The following CTNNA3 variants were observed in gnomAD, a reference collection of about 807,000 sequenced individuals.
CTNNA3 encodes the protein catenin alpha-3.
CTNNA3 carries 76 observed loss-of-function variants against 95.7 expected under a neutral mutation model. The observed-to-expected ratio is 0.79, with a 90% CI of 0.66 to 0.96. CTNNA3 has a LOEUF of 0.96. Ranked by LOEUF, CTNNA3 falls within the 40% of genes least tolerant of loss-of-function variation. The pLI is 0.00. For missense variants in CTNNA3, 1,191 were observed against 1,089.8 expected (o/e 1.09, Z -1.31); for synonymous variants, 431 against 374.4 (o/e 1.15, Z -1.74).
chr10:67,027,956 T>C (rs1033582562), intron 7 of CTNNA3, among the ~76,000 whole-genome samples: 1 of 152,210 alleles, frequency 6.6e-6, no homozygotes, highest in Non-Finnish European at 1.5e-5. Context: ...AATCTCCATC[T>C]GTTTTCTCAC....
At chr10:66,692,111 G>C (rs1232293254) in intron 9 of CTNNA3, among the ~76,000 whole-genome samples, 1 of 152,202 alleles carries the variant, frequency 6.6e-6, no homozygotes, top group Non-Finnish European at 1.5e-5. Context: ...AAGCTGGACA[G>C]AGAATGACTT....
At chr10:67,668,992 C>T (rs1005012014) in intron 1 of CTNNA3, among the ~76,000 whole-genome samples, 17 of 152,078 alleles carry the variant, frequency 1.1e-4, no homozygotes, top group African/African-American at 3.4e-4. Context: ...GCACTCGCCA[C>T]CATGCCCGGC....
At chr10:66,135,313 C>T (rs1480445427) in intron 13 of CTNNA3, among the ~76,000 whole-genome samples, 1 of 151,784 alleles carries the variant, frequency 6.6e-6, no homozygotes, top group Non-Finnish European at 1.5e-5. Context: ...TTTTGTTGGG[C>T]GAGAAGGCAA....
intron 5 of CTNNA3, among the ~76,000 whole-genome samples, chr10:67,323,476 C>A (rs1841409644): frequency 6.6e-6 from 1 of 152,064 alleles, no homozygotes; most frequent in Non-Finnish European, 1.5e-5. Flanking sequence ...ATAGGGAATC[C>A]TTTCTCTATT....
intron 11 of CTNNA3, among the ~76,000 whole-genome samples, chr10:66,439,318 A>G: frequency 6.6e-6 from 1 of 152,312 alleles, no homozygotes; most frequent in Admixed American, 6.5e-5. Flanking sequence ...TCTTAAAAAA[A>G]GGATACTATT....
At chr10:67,540,943 C>T (rs1047586316) in intron 3 of CTNNA3, among the ~76,000 whole-genome samples, 4 of 151,676 alleles carry the variant, frequency 2.6e-5, no homozygotes, top group Admixed American at 6.6e-5. Context: ...CATTACTCTT[C>T]GTTTTCTTCT....
chr10:67,136,574 C>G (rs754363969), intron 7 of CTNNA3, among the ~76,000 whole-genome samples: 8 of 152,064 alleles, frequency 5.3e-5, no homozygotes, highest in African/African-American at 1.2e-4. Context: ...GAGAGAGAGA[C>G]ACAGAGAGAG....
At chr10:66,999,364 A>G (rs1179117532) in intron 7 of CTNNA3, among the ~76,000 whole-genome samples, 1 of 152,130 alleles carries the variant, frequency 6.6e-6, no homozygotes, top group African/African-American at 2.4e-5. Flanking sequence ...TCAAGAAAAA[A>G]CTTGGGATTC....
At chr10:67,168,664 C>G (rs560172019) in intron 7 of CTNNA3, among the ~76,000 whole-genome samples, 1 of 152,306 alleles carries the variant, frequency 6.6e-6, no homozygotes, top group South Asian at 2.1e-4. Context: ...GACAAACCTA[C>G]AGCCAACATT....
intron 9 of CTNNA3, among the ~76,000 whole-genome samples, chr10:66,667,370 C>T (rs968031078): frequency 1.2e-4 from 19 of 152,046 alleles, no homozygotes; most frequent in African/African-American, 4.6e-4. Flanking sequence ...CTTGATTGCT[C>T]ATGCCAGTAA....
chr10:67,207,092 TTGCACTCCAGCCTGGGTGACAAGAG>T (rs1434590422), intron 6 of CTNNA3, among the ~76,000 whole-genome samples: 2 of 152,032 alleles, frequency 1.3e-5, no homozygotes, highest in Admixed American at 1.3e-4. Flanking sequence ...GATCGCACCA[TTGCACTCCAGCCTGGGTGACAAGAG>T]TGAGAGTTCA....
At chr10:66,934,093 T>C (rs1479575053) in intron 7 of CTNNA3, among the ~76,000 whole-genome samples, 1 of 152,084 alleles carries the variant, frequency 6.6e-6, no homozygotes, top group Non-Finnish European at 1.5e-5. Context: ...ATCTGGGACA[T>C]GATATAAGAC....
At chr10:66,532,286 C>T (rs985361846) in intron 10 of CTNNA3, among the ~76,000 whole-genome samples, 1 of 151,952 alleles carries the variant, frequency 6.6e-6, no homozygotes, top group Non-Finnish European at 1.5e-5. Flanking sequence ...CATGGTGAAA[C>T]CCCGTCTCTA....
At chr10:67,456,610 T>A (rs1460245382) in intron 5 of CTNNA3, among the ~76,000 whole-genome samples, 1 of 152,194 alleles carries the variant, frequency 6.6e-6, no homozygotes, top group African/African-American at 2.4e-5. Context: ...CAAATGGTAA[T>A]ATTCTTTCTC....
chr10:67,092,999 C>A (rs1384947738), intron 7 of CTNNA3, among the ~76,000 whole-genome samples: 1 of 151,970 alleles, frequency 6.6e-6, no homozygotes, highest in Admixed American at 6.6e-5. Context: ...TTTTATACCC[C>A]TGAATCTCCA....
rs1374902373 is a variant in CTNNA3 at position 65,918,029 on chromosome 10, T to G, written c.*2301A>C. ...CTAGGATATTCATTGAGTTAAAATT[T>G]TTATTGTTTTATTTAATTATAGTTT... On this transcript the variant is annotated 3_prime_UTR_variant, in exon 18 of 18. Transcript: ENST00000433211. The G allele has an allele frequency of 6.6e-6, 1 of 152,136 alleles. No individual in the cohort carries two copies. Among genetic ancestry groups the G allele is most frequent in the Non-Finnish European group, 1.5e-5 (1 of 68,024 alleles). 9.4% of individuals were successfully genotyped at this position (152,136 alleles called of 1,614,324 possible).
chr10:66,428,876 T>G (rs1329632710), intron 11 of CTNNA3, among the ~76,000 whole-genome samples: 4 of 151,768 alleles, frequency 2.6e-5, no homozygotes, highest in African/African-American at 9.7e-5. Flanking sequence ...ATTCAAAAGC[T>G]AGCAGAAGGC....
At chr10:67,519,358 C>T (rs1293554299) in intron 5 of CTNNA3, among the ~76,000 whole-genome samples, 2 of 152,060 alleles carry the variant, frequency 1.3e-5, no homozygotes, top group African/African-American at 2.4e-5. Flanking sequence ...TTAACACTGG[C>T]ATTTTCTGTT....
At chr10:67,070,099 T>C (rs916682370) in intron 7 of CTNNA3, among the ~76,000 whole-genome samples, 1 of 152,212 alleles carries the variant, frequency 6.6e-6, no homozygotes, top group Non-Finnish European at 1.5e-5. Context: ...CTCGTCAGTG[T>C]GTAGTATTAT....
Sources: allele counts gnomAD v4.1 joint callset (sites outside exome capture counted in the v4.1 genomes callset), GRCh38; gene constraint gnomAD v4.1.1; transcripts MANE v1.5; gene names NCBI Gene and HGNC (gene_info 2026-07-23, HGNC 2026-07-21).